Variants in POFUT3 observed in about 807,000 individuals in gnomAD.
The protein encoded by POFUT3 is protein O-fucosyltransferase 3.
chr8:33,386,009 G>A, the POFUT3 span, among the ~76,000 whole-genome samples: 8 of 151,560 alleles, frequency 5.3e-5, no homozygotes, highest in African/African-American at 1.2e-4. Flanking sequence ...TCAACATGGC[G>A]GAAACTCTGT....
the POFUT3 span, among the ~76,000 whole-genome samples, chr8:33,324,346 C>T: frequency 5.3e-4 from 81 of 152,200 alleles, no homozygotes; most frequent in African/African-American, 1.9e-3. Context: ...TGTTGGAGTT[C>T]CCAGTTTTTC....
the POFUT3 span, among the ~76,000 whole-genome samples, chr8:33,441,054 G>A: frequency 6.6e-6 from 1 of 152,060 alleles, no homozygotes; most frequent in Non-Finnish European, 1.5e-5. Context: ...GTTCTGGCCG[G>A]GCACAGTGGC....
chr8:33,428,296 A>G, the POFUT3 span, among the ~76,000 whole-genome samples: 1 of 152,246 alleles, frequency 6.6e-6, no homozygotes, highest in Non-Finnish European at 1.5e-5. Flanking sequence ...AACAGGAGAA[A>G]TCTAAGCACT....
At chr8:33,318,824 T>C in the POFUT3 span, among the ~76,000 whole-genome samples, 2 of 54,266 alleles carry the variant, frequency 3.7e-5, no homozygotes, top group Non-Finnish European at 5.4e-5. Flanking sequence ...TATATATATA[T>C]ATTTTATATA....
the POFUT3 span, among the ~76,000 whole-genome samples, chr8:33,390,201 GTCATACAC>G: frequency 1.4e-5 from 2 of 147,286 alleles, no homozygotes; most frequent in Non-Finnish European, 2.9e-5. Flanking sequence ...GTGTGTGTGT[GTCATACAC>G]ACACACACAC....
the POFUT3 span, among the ~76,000 whole-genome samples, chr8:33,424,656 G>A: frequency 6.6e-6 from 1 of 152,074 alleles, no homozygotes; most frequent in South Asian, 2.1e-4. Context: ...TTTTTCTTCT[G>A]GATAATCCCT....
the POFUT3 span, among the ~76,000 whole-genome samples, chr8:33,459,387 T>A: frequency 2.0e-5 from 3 of 151,468 alleles, no homozygotes; most frequent in African/African-American, 7.3e-5. Context: ...ACACCTGCAA[T>A]CTCAGTGCTT....
chr8:33,465,193 G>A, the POFUT3 span, among the ~76,000 whole-genome samples: 2,546 of 152,108 alleles, frequency 0.017, 30 homozygotes, highest in Middle Eastern at 0.027. Flanking sequence ...TATCATTAAC[G>A]TAACCCAGAT....
At chr8:33,454,389 T>C in the POFUT3 span, among the ~76,000 whole-genome samples, 12 of 152,154 alleles carry the variant, frequency 7.9e-5, no homozygotes, top group Admixed American at 3.9e-4. Context: ...TCTCTGACCA[T>C]GTCAGGAAAG....
chr8:33,396,976 A>T, the POFUT3 span, among the ~76,000 whole-genome samples: 2 of 152,278 alleles, frequency 1.3e-5, no homozygotes, highest in Admixed American at 6.5e-5. Context: ...GTTAAAGCTC[A>T]TGAAACAATT....
the POFUT3 span, among the ~76,000 whole-genome samples, chr8:33,335,963 G>T: frequency 5.3e-5 from 8 of 151,990 alleles, no homozygotes; most frequent in African/African-American, 1.7e-4. Context: ...GGAGAGGCAG[G>T]CACACCGGTG....
chr8:33,319,645 T>C, the POFUT3 span, among the ~76,000 whole-genome samples: 1 of 82,982 alleles, frequency 1.2e-5, no homozygotes, highest in East Asian at 5.2e-4. Context: ...TATATTTATA[T>C]ATTATATAAA....
chr8:33,408,172 A>G, the POFUT3 span, among the ~76,000 whole-genome samples: 2 of 151,960 alleles, frequency 1.3e-5, no homozygotes, highest in East Asian at 1.9e-4. Flanking sequence ...AAAAAAATGT[A>G]AAAATTATTT....
the POFUT3 span, among the ~76,000 whole-genome samples, chr8:33,442,302 G>GTTT: frequency 2.7e-4 from 37 of 138,984 alleles, no homozygotes; most frequent in African/African-American, 2.2e-4. Flanking sequence ...TTTTTTTTTG[G>GTTT]GGGGGGACAG....
chr8:33,395,130 C>T, the POFUT3 span, among the ~76,000 whole-genome samples: 1 of 152,186 alleles, frequency 6.6e-6, no homozygotes, highest in African/African-American at 2.4e-5. Flanking sequence ...ATGATACAGA[C>T]AGGAGGCAGG....
the POFUT3 span, among the ~76,000 whole-genome samples, chr8:33,354,294 CATCTGTTCCACA>C: frequency 6.6e-6 from 1 of 152,066 alleles, no homozygotes; most frequent in South Asian, 2.1e-4. Flanking sequence ...GAAGTCCTAC[CATCTGTTCCACA>C]ATCTGGAGAA....
chr8:33,468,039 A>C, the POFUT3 span, among the ~76,000 whole-genome samples: 1 of 152,152 alleles, frequency 6.6e-6, no homozygotes, highest in South Asian at 2.1e-4. Flanking sequence ...CAGGAGTTTG[A>C]GACCAGCCTG....
At chr8:33,317,548 G>A in the POFUT3 span, among the ~76,000 whole-genome samples, 424 of 152,132 alleles carry the variant, frequency 2.8e-3, 1 homozygote, top group African/African-American at 9.6e-3. Flanking sequence ...CTCCATACTC[G>A]GTTTTGGAAT....
the POFUT3 span, among the ~76,000 whole-genome samples, chr8:33,435,768 G>A: frequency 2.6e-5 from 4 of 152,074 alleles, no homozygotes; most frequent in South Asian, 2.1e-4. Context: ...TACCCACCTC[G>A]GCCTCCCAAA....
Sources: allele counts gnomAD v4.1 joint callset (sites outside exome capture counted in the v4.1 genomes callset), GRCh38; gene constraint gnomAD v4.1.1; transcripts MANE v1.5; gene names NCBI Gene and HGNC (gene_info 2026-07-23, HGNC 2026-07-21).